COX4I2: variants seen among roughly 807,000 people sequenced by gnomAD.
COX4I2 encodes cytochrome c oxidase subunit 4 isoform 2, mitochondrial.
A neutral mutation model predicts 20.8 loss-of-function variants in COX4I2; 15 were observed. The ratio of observed to expected loss-of-function variants is 0.72; its 90% CI spans 0.48 to 1.11. The LOEUF (loss-of-function observed/expected upper bound fraction) is 1.11. COX4I2 is among the 50% of genes most tolerant of loss of function. The pLI, the probability that COX4I2 is intolerant of heterozygous loss-of-function variation, is 0.00. For synonymous variants in COX4I2, 80 were observed against 78.1 expected (o/e 1.02, Z -0.13); for missense variants, 224 against 223.0 (o/e 1.00, Z -0.03).
At chr20:31,643,630 A>G in intron 4 of COX4I2, 95 bp downstream of exon 4, 6 of 1,479,720 alleles carry the variant, frequency 4.1e-6, no homozygotes, top group Non-Finnish European at 5.6e-6. Context: ...GCTGGCACTC[A>G]TCTGAAGAGC....
intron 1 of COX4I2, 49 bp from the exon 2 acceptor site, chr20:31,638,969 G>A (rs1391320359): frequency 2.6e-6 from 4 of 1,554,978 alleles, no homozygotes; most frequent in Admixed American, 3.7e-5. Flanking sequence ...CGGTTTGGGG[G>A]CAGAGGGTGA....
intron 2 of COX4I2, 41 bp from the exon 3 acceptor site, chr20:31,639,892 C>G (rs758661569): frequency 6.2e-7 from 1 of 1,612,450 alleles, no homozygotes; most frequent in East Asian, 2.2e-5. Context: ...TAGGGTGTCC[C>G]AAGGGCAGCC....
chr20:31,639,100 G>T lies in COX4I2; in HGVS notation c.82+1G>T, dbSNP rs1173270442. Reference sequence around the variant, plus strand: ...GGGATGCACAGCTCAGAAGGCACCAGTGAGACCTGGACTCCTTCCTCCCTG... The same window carrying T: ...GGGATGCACAGCTCAGAAGGCACCATTGAGACCTGGACTCCTTCCTCCCTG... On this transcript the variant is annotated splice_donor_variant, in intron 2 of 4. Coordinates refer to ENST00000376075, the MANE Select transcript of COX4I2 (RefSeq NM_032609.3). LOFTEE classifies it high-confidence loss of function. The T allele has an allele frequency of 6.2e-7, 1 of 1,608,022 alleles. No individual in the cohort carries two copies. The highest frequency in any genetic ancestry group is 8.5e-7 in the Non-Finnish European group (1 of 1,177,404).
In COX4I2 at chr20:31,639,226, A is replaced by G. The variant is rs570596027; in HGVS notation, c.82+127A>G. 4.6e-5 allele frequency: 71 copies of G among 1,532,456 alleles called. 1 individual carries two copies. In the South Asian group the frequency reaches 7.9e-4, roughly 17 times the overall value. 94.9% of individuals were successfully genotyped at this position (1,532,456 alleles called of 1,614,324 possible). On this transcript the variant is annotated intron_variant, in intron 2 of 4. Coordinates refer to ENST00000376075, the MANE Select transcript of COX4I2 (RefSeq NM_032609.3). ...TTCCTACCACACTTCCCATGTTCCC[A>G]TGATCCCACTCCTTGGTCCAAGGTC... is the stretch of plus-strand genomic sequence containing the variant.
At position 31,639,058 on chromosome 20, in the gene COX4I2, G is replaced by C; in HGVS notation, c.41G>C (p.Gly14Ala). 1.2e-6 allele frequency: 2 copies of C among 1,612,796 alleles called. No homozygotes were observed. Among genetic ancestry groups the C allele is most frequent in the Non-Finnish European group, 1.7e-6 (2 of 1,179,602 alleles). ...GCCTGGAGCTTGGTGCTGAGGAAAG[G>C]TGGAGGTGGAAGACGAGGGATGCAC... ...RAAWSLVLRK[G>A]GGGRRGMHSS... Residue 14 changes from glycine (G) to alanine (A), a missense_variant, in exon 2 of 5, where the codon GGT becomes GCT. Coordinates refer to ENST00000376075, the MANE Select transcript of COX4I2 (RefSeq NM_032609.3).
chr20:31,641,631 C>T lies in COX4I2; in HGVS notation c.247+1534C>T, dbSNP rs74721539. ...AGGGGTTTCACCCTTAGCTGCTACACCACATTAGCTACAATGAAGGTTTGG... is the reference window on the plus strand; with the variant it reads ...AGGGGTTTCACCCTTAGCTGCTACATCACATTAGCTACAATGAAGGTTTGG... On this transcript the variant is annotated intron_variant, in intron 3 of 4. Transcript: ENST00000376075. Among the ~76,000 whole-genome samples, 451 of 152,290 alleles carry T rather than the reference C, an allele frequency of 3.0e-3. 11 individuals are homozygous for T. The East Asian group carries it at 0.047, about 16-fold the overall frequency.
At chr20:31,640,954 T>TACACACACACACAC (rs35214276) in intron 3 of COX4I2, among the ~76,000 whole-genome samples, 80 of 133,610 alleles carry the variant, frequency 6.0e-4, no homozygotes, top group Non-Finnish European at 8.8e-4. Context: ...TCTCTCTTTC[T>TACACACACACACAC]ACACACACAC....
chr20:31,638,255 C>T (rs1416833915), intron 1 of COX4I2, among the ~76,000 whole-genome samples: 1 of 152,016 alleles, frequency 6.6e-6, no homozygotes, highest in Non-Finnish European at 1.5e-5. Context: ...CCCCCTCCCA[C>T]TTATCACCTG....
In COX4I2 at chr20:31,639,092, A is replaced by C. The variant is rs762669070; in HGVS notation, c.75A>C (p.Glu25Asp). 3 of 1,610,466 alleles carry C rather than the reference A, an allele frequency of 1.9e-6. No individual in the cohort carries two copies. The African/African-American group carries it at 4.0e-5, about 22-fold the overall frequency. The change falls in exon 2 of 5, where the codon GAA (glutamate) becomes GAC (aspartate). Residue 25 changes from glutamate to aspartate, a missense_variant. By Grantham distance (45) the Glu-to-Asp change is conservative. Transcript: ENST00000376075. ...GAAGACGAGGGATGCACAGCTCAGA[A>C]GGCACCAGTGAGACCTGGACTCCTT... ...GGGRRGMHSS[E>D]GTTRGGGKMS...
At chr20:31,640,135 T>G in intron 3 of COX4I2, 38 bp downstream of exon 3, 1 of 1,570,744 alleles carries the variant, frequency 6.4e-7, no homozygotes, top group Non-Finnish European at 8.6e-7. Context: ...GAGAGTGGGT[T>G]GGGGGCTGAC....
Position 31,639,963 on chromosome 20 carries a change from C to G in COX4I2, c.113C>G (p.Thr38Ser). 1.2e-6 allele frequency: 2 copies of G among 1,614,128 alleles called. No individual in the cohort carries two copies. Among genetic ancestry groups the G allele is most frequent in the Non-Finnish European group, 1.7e-6 (2 of 1,180,028 alleles). ...TRGGGKMSPY[T>S]NCYAQRYYPM... Reference sequence around the variant, plus strand: ...GGTGGGGGGAAGATGTCCCCCTACACCAACTGCTATGCCCAGCGCTACTAC... The same window carrying G: ...GGTGGGGGGAAGATGTCCCCCTACAGCAACTGCTATGCCCAGCGCTACTAC... The change falls in exon 3 of 5, where the codon ACC (threonine) becomes AGC (serine). Residue 38 changes from threonine (T) to serine (S), a missense_variant. Thr to Ser is a moderately conservative substitution (Grantham distance 58, BLOSUM62 1). Transcript: ENST00000376075.
chr20:31,643,505 G>A lies in COX4I2; in HGVS notation c.349G>A (p.Ala117Thr). The A allele has an allele frequency of 6.2e-7, 1 of 1,614,162 alleles. No individual in the cohort carries two copies. The highest frequency in any genetic ancestry group is 8.5e-7 in the Non-Finnish European group (1 of 1,180,022). The change falls in exon 4 of 5, where the codon GCT (alanine) becomes ACT (threonine). Residue 117 changes from alanine to threonine, a missense_variant. Physicochemically the swap from Ala to Thr is moderately conservative, Grantham distance 58 (BLOSUM62 0). Coordinates refer to ENST00000376075, the MANE Select transcript of COX4I2 (RefSeq NM_032609.3). ...GCVFFFIGFA[A>T]LVIWWQRVYV... ...TGTCTTCTTCTTCATTGGATTCGCA[G>A]CTCTGGTGATTTGGTGGCAGCGGGT...
In COX4I2 at chr20:31,640,070, C is replaced by G; in HGVS notation, c.220C>G (p.Gln74Glu). Residue 74 changes from glutamine to glutamate, a missense_variant, in exon 3 of 5, where the codon CAG becomes GAG. Transcript: ENST00000376075. The part of the protein sequence containing the change: ...LKEKEKGSWT[Q>E]LTHAEKVALY... ...GGAGAAGGAGAAGGGAAGCTGGACC[C>G]AGCTGACCCACGCCGAAAAGGTGGC... 1.2e-6 allele frequency: 2 copies of G among 1,612,708 alleles called. No homozygotes were observed. The highest frequency in any genetic ancestry group is 1.7e-6 in the Non-Finnish European group (2 of 1,179,946).
chr20:31,639,789 C>G, intron 2 of COX4I2, 144 bp from the exon 3 acceptor site: 1 of 839,636 alleles, frequency 1.2e-6, no homozygotes, highest in Non-Finnish European at 1.9e-6. Context: ...AACTCCTGAC[C>G]TCGTGATCCA....
intron 1 of COX4I2, among the ~76,000 whole-genome samples, chr20:31,638,212 GC>G (rs2060446984): frequency 6.6e-6 from 1 of 151,934 alleles, no homozygotes; most frequent in Non-Finnish European, 1.5e-5. Context: ...ATAATCACTG[GC>G]CGGAGCCCCT....
rs1185085357 is a variant in COX4I2, at chr20:31,644,864, C to T, written c.476C>T (p.Ala159Val). The change falls in exon 5 of 5, where the codon GCC (alanine) becomes GTC (valine). Residue 159 changes from alanine (A) to valine (V), a missense_variant. Coordinates refer to ENST00000376075, the MANE Select transcript of COX4I2 (RefSeq NM_032609.3). Reference sequence around the variant, plus strand: ...AAGGTGAATCCTGTGCAGGGCCTGGCCTCCCGCTGGGACTATGAGAAGAAG... The same window carrying T: ...AAGGTGAATCCTGTGCAGGGCCTGGTCTCCCGCTGGGACTATGAGAAGAAG... Reference protein sequence around the residue: ...DMKVNPVQGLASRWDYEKKQW... With the variant: ...DMKVNPVQGLVSRWDYEKKQW... 5.0e-6 allele frequency: 8 copies of T among 1,614,058 alleles called. No individual in the cohort carries two copies. The South Asian group carries it at 7.7e-5, about 16-fold the overall frequency.
At position 31,639,071 on chromosome 20, in the gene COX4I2, A is replaced by T. The variant is rs770880891; in HGVS notation, c.54A>T (p.Arg18Ser). ...TGCTGAGGAAAGGTGGAGGTGGAAG[A>T]CGAGGGATGCACAGCTCAGAAGGCA... is the stretch of plus-strand genomic sequence containing the variant. The part of the protein sequence containing the change: ...SLVLRKGGGG[R>S]RGMHSSEGTT... The change falls in exon 2 of 5, where the codon AGA becomes AGT. Residue 18 changes from arginine to serine, a missense_variant. Physicochemically the swap from Arg to Ser is moderately radical, Grantham distance 110. Coordinates refer to ENST00000376075, the MANE Select transcript of COX4I2 (RefSeq NM_032609.3). The T allele has an allele frequency of 6.2e-7, 1 of 1,612,430 alleles. No individual in the cohort carries two copies. Among genetic ancestry groups the T allele is most frequent in the Non-Finnish European group, 8.5e-7 (1 of 1,179,438 alleles).
At chr20:31,641,489 G>T (rs1314125558) in intron 3 of COX4I2, among the ~76,000 whole-genome samples, 3 of 152,238 alleles carry the variant, frequency 2.0e-5, no homozygotes, top group African/African-American at 7.2e-5. Context: ...GTGGCGTTAG[G>T]TTGCTCTCGT....
Position 31,644,852 on chromosome 20 carries a change from TG to T in COX4I2, c.465del (p.Gln156ArgfsTer25), listed in dbSNP as rs1166071852. The T allele has an allele frequency of 6.2e-7, 1 of 1,614,068 alleles. No individual in the cohort carries two copies. Among genetic ancestry groups the T allele is most frequent in the Non-Finnish European group, 8.5e-7 (1 of 1,180,022 alleles). On this transcript the variant is annotated frameshift_variant, in exon 5 of 5. Coordinates refer to ENST00000376075, the MANE Select transcript of COX4I2 (RefSeq NM_032609.3). LOFTEE classifies it high-confidence loss of function. Reference protein sequence around the residue: ...QRMLDMKVNPVQGLASRWDYE... With the variant: ...QRMLDMKVNPXQGLASRWDYE... ...ATGCTGGACATGAAGGTGAATCCTGTGCAGGGCCTGGCCTCCCGCTGGGACT... is the reference window on the plus strand; with the variant it reads ...ATGCTGGACATGAAGGTGAATCCTGTCAGGGCCTGGCCTCCCGCTGGGACT...
Sources: allele counts gnomAD v4.1 joint callset (sites outside exome capture counted in the v4.1 genomes callset), GRCh38; gene constraint gnomAD v4.1.1; transcripts MANE v1.5; gene names NCBI Gene and HGNC (gene_info 2026-07-23, HGNC 2026-07-21).